The following ZC3H4 variants were observed in gnomAD, a reference collection of about 807,000 sequenced individuals.
ZC3H4 encodes zinc finger CCCH domain-containing protein 4.
Under a neutral mutation model 108.3 loss-of-function variants are expected in ZC3H4, and 13 were observed. That is an observed-to-expected ratio of 0.12 (90% CI 0.08 to 0.19). The LOEUF is 0.19. Among genes scored for constraint, ZC3H4 ranks in the 10% least tolerant of loss-of-function variants. The probability of loss-of-function intolerance (pLI) is 1.00; values close to 1 mark genes in which losing one functional copy is unlikely to be tolerated. For missense variants in ZC3H4, 1,734 were observed against 1,838.8 expected, an observed-to-expected ratio of 0.94 and a Z score of 1.04; for synonymous variants, 917 against 749.6, an observed-to-expected ratio of 1.22 and a Z score of -3.65.
intron 5 of ZC3H4, among the ~76,000 whole-genome samples, chr19:47,087,271 G>A (rs1210019713): frequency 6.8e-6 from 1 of 146,660 alleles, no homozygotes; most frequent in African/African-American, 2.5e-5. Context: ...GTGAGACCCC[G>A]TCTCTCACAC....
At chr19:47,099,642 C>T (rs916622515) in intron 2 of ZC3H4, among the ~76,000 whole-genome samples, 2 of 151,636 alleles carry the variant, frequency 1.3e-5, no homozygotes, top group Non-Finnish European at 2.9e-5. Context: ...CTAGGCAGTA[C>T]CAGAAGCCAC....
Position 47,066,249 on chromosome 19 carries a change from AAAG to A in ZC3H4, c.*104_*106del, listed in dbSNP as rs2057191851. On this transcript the variant is annotated 3_prime_UTR_variant, in exon 15 of 15. Coordinates refer to ENST00000253048, the MANE Select transcript of ZC3H4 (RefSeq NM_015168.2). ...GAAAGCAAAAGAAAAAGAAAAGAAAAAAGGAACACCCAGCCTGCCTCCCCTTGC... is the reference window on the plus strand; with the variant it reads ...GAAAGCAAAAGAAAAAGAAAAGAAAAGAACACCCAGCCTGCCTCCCCTTGC... 1 of 855,068 alleles carries A rather than the reference AAAG, an allele frequency of 1.2e-6. No individual in the cohort carries two copies. The highest frequency in any genetic ancestry group is 3.1e-5 in the East Asian group (1 of 32,688). 53.0% of individuals were successfully genotyped at this position (855,068 alleles called of 1,614,324 possible). A position where few individuals can be genotyped will look rare whatever the true frequency, so the allele number is the denominator to read the frequency against.
intron 2 of ZC3H4, among the ~76,000 whole-genome samples, chr19:47,105,333 G>A (rs1314922763): frequency 6.6e-6 from 1 of 152,190 alleles, no homozygotes; most frequent in Non-Finnish European, 1.5e-5. Flanking sequence ...AGGCGCGGTG[G>A]CTCATACCTG....
chr19:47,107,889 G>T lies in ZC3H4; in HGVS notation c.161+4535C>A, dbSNP rs201120846. ...AAAAGCAAAAGCGTTCTGCAGCAAA[G>T]ACAAGGCCAAGAAACTGGGAGTCAA... is the stretch of plus-strand genomic sequence containing the variant. On this transcript the variant is annotated intron_variant, in intron 2 of 14. Coordinates refer to ENST00000253048, the MANE Select transcript of ZC3H4 (RefSeq NM_015168.2). 3.9e-5 allele frequency among the ~76,000 whole-genome samples: 6 copies of T among 152,296 alleles called. No individual in the cohort carries two copies. The East Asian group carries it at 1.2e-3, about 29-fold the overall frequency.
Position 47,065,162 on chromosome 19 carries a change from C to CA in ZC3H4, c.*1193dup, listed in dbSNP as rs1412369071. 6.6e-6 allele frequency: 1 copy of CA among 152,286 alleles called. No homozygotes were observed. The highest frequency in any genetic ancestry group is 2.4e-5 in the African/African-American group (1 of 41,464). The allele number at this position is 152,286 out of a possible 1,614,324, so 9.4% of individuals were successfully genotyped here. A position where few individuals can be genotyped will look rare whatever the true frequency, so the allele number is the denominator to read the frequency against. ...GGCTGGCCCTCAGCCAGGGTGGGAG[C>CA]ATGGGGGGAGCAGAGGCTCCCCATC... On this transcript the variant is annotated 3_prime_UTR_variant, in exon 15 of 15. Transcript: ENST00000253048.
rs774145982 is a variant in ZC3H4 at position 47,066,544 on chromosome 19, G to A, written c.3724C>T (p.Pro1242Ser). 5 of 1,570,284 alleles carry A rather than the reference G, an allele frequency of 3.2e-6. No individual in the cohort carries two copies. Among genetic ancestry groups the A allele is most frequent in the Admixed American group, 1.8e-5 (1 of 56,866 alleles). ...AGGTTGTGCACCCCGGGCTGGGGTG[G>A]GGCACCCTCGGGGGGTGGGGTGGCG... ...TTATPPPEGA[P>S]PQPGVHNLPV... Residue 1242 changes from proline to serine, a missense_variant, in exon 15 of 15, where the codon CCA (proline) becomes TCA (serine). Transcript: ENST00000253048.
chr19:47,091,841 C>G (rs1461940990), intron 4 of ZC3H4, among the ~76,000 whole-genome samples: 1 of 151,730 alleles, frequency 6.6e-6, no homozygotes, highest in Non-Finnish European at 1.5e-5. Context: ...TGCAGTGAGC[C>G]GAGATTGTGC....
intron 4 of ZC3H4, among the ~76,000 whole-genome samples, chr19:47,092,047 A>T (rs2057741543): frequency 6.6e-6 from 1 of 152,036 alleles, no homozygotes. Flanking sequence ...CATCTCTACC[A>T]AAAGTACAAA....
Position 47,067,156 on chromosome 19 carries a change from C to A in ZC3H4, c.3112G>T (p.Ala1038Ser). The change falls in exon 15 of 15, where the codon GCC (alanine) becomes TCC (serine). Residue 1038 changes from alanine (A) to serine (S), a missense_variant. Physicochemically the swap from Ala to Ser is moderately conservative, Grantham distance 99. This residue lies in a region of ZC3H4 where 518 missense variants were observed against 499.6 expected (regional missense o/e 1.04). Transcript: ENST00000253048. The surrounding 1 kb of genome is among the most constrained non-coding windows in gnomAD (Gnocchi z 6.4). Reference protein sequence around the residue: ...GASTDSSTQGANLPDFELLSR... With the variant: ...GASTDSSTQGSNLPDFELLSR... ...AGAAGTTCAAAGTCGGGGAGGTTGG[C>A]GCCCTGTGTGCTGGAATCCGTGGAG... is the stretch of plus-strand genomic sequence containing the variant. 6.2e-7 allele frequency: 1 copy of A among 1,611,790 alleles called. No homozygotes were observed. Among genetic ancestry groups the A allele is most frequent in the Admixed American group, 1.7e-5 (1 of 59,838 alleles).
In ZC3H4 at chr19:47,066,449, C is replaced by G. The variant is rs1198602553; in HGVS notation, c.3819G>C (p.Gly1273=). Residue 1273 remains glycine (G), a synonymous_variant, in exon 15 of 15, where the codon GGG becomes GGC. Transcript: ENST00000253048. The part of the protein sequence containing the change: ...PKTGSGSPFA[G]NSPAREGEQD... ...GCTCACCCTCGCGGGCCGGACTGTT[C>G]CCAGCAAATGGGCTTCCTGAGCCCG... 1 of 1,579,974 alleles carries G rather than the reference C, an allele frequency of 6.3e-7. No individual in the cohort carries two copies. The highest frequency in any genetic ancestry group is 1.8e-5 in the Admixed American group (1 of 54,960).
rs113670263 is a variant in ZC3H4 at position 47,086,977 on chromosome 19, T to TA, written c.716-440dup. Reference sequence around the variant, plus strand: ...ACACATTGGACTTCAAAGACTTAGTTAAAAAAAAAAAAAAGAGGCTGGGTG... The same window carrying TA: ...ACACATTGGACTTCAAAGACTTAGTTAAAAAAAAAAAAAAAGAGGCTGGGTG... On this transcript the variant is annotated intron_variant, in intron 5 of 14. Coordinates refer to ENST00000253048, the MANE Select transcript of ZC3H4 (RefSeq NM_015168.2). 1.9e-3 allele frequency among the ~76,000 whole-genome samples: 274 copies of TA among 141,018 alleles called. 2 individuals carry two copies. Among genetic ancestry groups the TA allele is most frequent in the Non-Finnish European group, 2.3e-3 (145 of 64,132 alleles). 92.5% of individuals were successfully genotyped at this position (141,018 alleles called of 152,430 possible). A position where few individuals can be genotyped will look rare whatever the true frequency, so the allele number is the denominator to read the frequency against.
Position 47,090,080 on chromosome 19 carries a change from T to C in ZC3H4, c.602A>G (p.Tyr201Cys), listed in dbSNP as rs945373292. ...CTCCTCGTCGCCCTCATATTCCCCA[T>C]ACTGCTCATTCTCGTAGTCCTCGTA... ...GMYEDYENEQ[Y>C]GEYEGDEEED... The change falls in exon 5 of 15, where the codon TAT (tyrosine) becomes TGT (cysteine). Residue 201 changes from tyrosine to cysteine, a missense_variant. Physicochemically the swap from Tyr to Cys is radical, Grantham distance 194. This residue lies in a region of ZC3H4 where 403 missense variants were observed against 457.0 expected (regional missense o/e 0.88). Coordinates refer to ENST00000253048, the MANE Select transcript of ZC3H4 (RefSeq NM_015168.2). The C allele has an allele frequency of 6.2e-7, 1 of 1,614,182 alleles. No homozygotes were observed.
intron 2 of ZC3H4, among the ~76,000 whole-genome samples, chr19:47,097,890 C>G (rs1044274221): frequency 2.0e-5 from 3 of 152,214 alleles, no homozygotes; most frequent in Non-Finnish European, 4.4e-5. Flanking sequence ...TTGGCAACGC[C>G]TGACATGGCT....
chr19:47,064,580 CAAAAG>C lies in ZC3H4; in HGVS notation c.*1771_*1775del, dbSNP rs528546563. 0.011 allele frequency: 1,677 copies of C among 152,528 alleles called. 11 individuals carry two copies. Among genetic ancestry groups the C allele is most frequent in the Non-Finnish European group, 0.017 (1,161 of 67,986 alleles). 9.4% of individuals were successfully genotyped at this position (152,528 alleles called of 1,614,324 possible). On this transcript the variant is annotated 3_prime_UTR_variant, in exon 15 of 15. Transcript: ENST00000253048. ...TTTTTCTTTTACAAAAGAAAATTCT[CAAAAG>C]GAGAGGAAAAACAACAACAAAAACC...
Position 47,072,116 on chromosome 19 carries a change from G to A in ZC3H4, c.1808C>T (p.Pro603Leu). 1 of 1,535,154 alleles carries A rather than the reference G, an allele frequency of 6.5e-7. No homozygotes were observed. ...QLAEKLGVRFPGPGGPPGPMG... is the reference protein window; with the variant it reads ...QLAEKLGVRFLGPGGPPGPMG... ...TGGCCCTGGGGGTCCACCGGGTCCAGGGAACCTAGAAGAGGGAAAAGGTGC... is the reference window on the plus strand; with the variant it reads ...TGGCCCTGGGGGTCCACCGGGTCCAAGGAACCTAGAAGAGGGAAAAGGTGC... Residue 603 changes from proline (P) to leucine (L), a missense_variant, in exon 13 of 15, where the codon CCT becomes CTT. Physicochemically the swap from Pro to Leu is moderately conservative, Grantham distance 98. Around this residue, in one of 9 missense-constraint regions of ZC3H4, gnomAD observed 12 missense variants for 36.4 expected, o/e 0.33. Transcript: ENST00000253048. This position sits in a 1 kb window ranked among gnomAD's most constrained non-coding sequence, Gnocchi z 5.6.
At position 47,085,135 on chromosome 19, in the gene ZC3H4, C is replaced by T. The variant is rs993928085; in HGVS notation, c.1028G>A (p.Arg343Gln). Residue 343 changes from arginine (R) to glutamine (Q), a missense_variant, in exon 8 of 15, where the codon CGA (arginine) becomes CAA (glutamine). Physicochemically the swap from Arg to Gln is conservative, Grantham distance 43 (BLOSUM62 1). Transcript: ENST00000253048. Reference protein sequence around the residue: ...RGRGKGMGRGRGRGGSRGGMN... With the variant: ...RGRGKGMGRGQGRGGSRGGMN... ...CCCTCCTCGGCTGCCACCTCGGCCT[C>T]GGCCCCGACCCATTCCTTTCCCTCG... 4.3e-6 allele frequency: 7 copies of T among 1,614,078 alleles called. No individual in the cohort carries two copies. Among genetic ancestry groups the T allele is most frequent in the Admixed American group, 1.7e-5 (1 of 59,998 alleles).
chr19:47,088,831 T>C (rs2057678914), intron 5 of ZC3H4, among the ~76,000 whole-genome samples: 1 of 152,156 alleles, frequency 6.6e-6, no homozygotes, highest in Admixed American at 6.5e-5. Flanking sequence ...TGGCTTCCAA[T>C]CTATTTCTAC....
At position 47,085,340 on chromosome 19, in the gene ZC3H4, G is replaced by A; in HGVS notation, c.945C>T (p.Arg315=). The A allele has an allele frequency of 1.9e-6, 3 of 1,601,478 alleles. No homozygotes were observed. The highest frequency in any genetic ancestry group is 2.6e-6 in the Non-Finnish European group (3 of 1,173,656). The change falls in exon 7 of 15, where the codon CGC becomes CGT. Residue 315 remains arginine (R), a synonymous_variant. Transcript: ENST00000253048. ...EYSKELNQYR[R]SKDSRGRGLS... ...CACCTCGGCCTCGGCTGTCCTTGGA[G>A]CGGCGGTACTGGTTCAGCTCCTTGG...
intron 5 of ZC3H4, among the ~76,000 whole-genome samples, chr19:47,088,929 C>T (rs547245800): frequency 5.3e-5 from 8 of 152,046 alleles, no homozygotes; most frequent in Admixed American, 6.6e-5. Flanking sequence ...ACCAATGGGC[C>T]GGGCGCGGTG....
Sources: allele counts gnomAD v4.1 joint callset (sites outside exome capture counted in the v4.1 genomes callset), GRCh38; gene constraint gnomAD v4.1.1; regional missense constraint gnomAD v4.1.1; non-coding constraint Gnocchi (gnomAD v3.1); transcripts MANE v1.5; gene names NCBI Gene and HGNC (gene_info 2026-07-23, HGNC 2026-07-21).